Variants in BMP7 observed in about 807,000 individuals in gnomAD.
The protein encoded by BMP7 is bone morphogenetic protein 7.
A neutral mutation model predicts 41.2 loss-of-function variants in BMP7; 12 were observed. That is an observed-to-expected ratio of 0.29 (90% CI 0.19 to 0.47). The LOEUF is 0.47. BMP7 is among the 20% of genes least tolerant of loss of function. BMP7 has a pLI of 0.99. For synonymous variants in BMP7, 248 were observed against 250.0 expected, an observed-to-expected ratio of 0.99 and a Z score of 0.07; for missense variants, 467 against 606.0, an observed-to-expected ratio of 0.77 and a Z score of 2.41.
In BMP7 at chr20:57,219,321, GAAGA is replaced by G. The variant is rs1337253459; in HGVS notation, c.611+8904_611+8907del. ...AGCAAGGTAAGTGGGAAGGTGGGAA[GAAGA>G]CAGGGTGGGCGAGGGACTTCCCACT... On this transcript the variant is annotated intron_variant, in intron 2 of 6. Coordinates refer to ENST00000395863, the MANE Select transcript of BMP7 (RefSeq NM_001719.3). Among the ~76,000 whole-genome samples the G allele has an allele frequency of 7.2e-5, 11 of 151,854 alleles. 1 individual carries two copies. The highest frequency in any genetic ancestry group is 2.4e-4 in the African/African-American group (10 of 41,158).
At chr20:57,212,697 G>C (rs1984922277) in intron 2 of BMP7, among the ~76,000 whole-genome samples, 1 of 152,216 alleles carries the variant, frequency 6.6e-6, no homozygotes, top group Admixed American at 6.5e-5. Flanking sequence ...GGTGAGTCAG[G>C]CCGGGAAACT....
At chr20:57,211,475 C>A (rs778112829) in intron 2 of BMP7, among the ~76,000 whole-genome samples, 1 of 146,808 alleles carries the variant, frequency 6.8e-6, no homozygotes. Context: ...AATAACACCC[C>A]CTCAGACACA....
intron 1 of BMP7, among the ~76,000 whole-genome samples, chr20:57,256,229 C>T (rs1180663317): frequency 1.3e-5 from 2 of 152,178 alleles, no homozygotes; most frequent in Non-Finnish European, 2.9e-5. Context: ...ATGCAAATTC[C>T]AACTGACAAT....
chr20:57,172,637 C>CA (rs11086599), intron 6 of BMP7, among the ~76,000 whole-genome samples: 78,482 of 152,058 alleles, frequency 0.52, 20,560 homozygotes, highest in South Asian at 0.65. Flanking sequence ...CAGCTCTTAT[C>CA]ACTATGGTTG....
At chr20:57,248,755 T>C (rs2066099815) in intron 1 of BMP7, among the ~76,000 whole-genome samples, 1 of 152,120 alleles carries the variant, frequency 6.6e-6, no homozygotes, top group African/African-American at 2.4e-5. Context: ...GCAGGTGTTC[T>C]GTGAACTGCA....
chr20:57,217,684 G>A (rs1273620168), intron 2 of BMP7, among the ~76,000 whole-genome samples: 1 of 152,230 alleles, frequency 6.6e-6, no homozygotes, highest in Non-Finnish European at 1.5e-5. Context: ...GAAACACATA[G>A]GCAGGAGGAG....
chr20:57,250,720 T>G (rs1475235237), intron 1 of BMP7, among the ~76,000 whole-genome samples: 2 of 152,294 alleles, frequency 1.3e-5, no homozygotes, highest in East Asian at 3.9e-4. Context: ...CACAGTCAAC[T>G]GTCTAAACCC....
intron 3 of BMP7, among the ~76,000 whole-genome samples, chr20:57,192,753 T>C (rs1984400826): frequency 6.6e-6 from 1 of 150,678 alleles, no homozygotes; most frequent in African/African-American, 2.4e-5. Context: ...ATAGCAGATT[T>C]TGAAAAAAAA....
chr20:57,254,017 C>CTTA, intron 1 of BMP7, among the ~76,000 whole-genome samples: 1 of 71,538 alleles, frequency 1.4e-5, no homozygotes, highest in South Asian at 5.5e-4. Context: ...GGTTTCTTTC[C>CTTA]TTTTTTTTTT....
At chr20:57,182,003 C>T (rs913351560) in intron 4 of BMP7, among the ~76,000 whole-genome samples, 3 of 152,212 alleles carry the variant, frequency 2.0e-5, no homozygotes, top group Non-Finnish European at 4.4e-5. Context: ...CAAATGGCTT[C>T]CTGAAGAGCC....
chr20:57,208,935 G>A (rs1044915449), intron 2 of BMP7, among the ~76,000 whole-genome samples: 2 of 152,122 alleles, frequency 1.3e-5, no homozygotes, highest in African/African-American at 4.8e-5. Flanking sequence ...TGTAATCCCA[G>A]CACTTTGGGA....
intron 1 of BMP7, among the ~76,000 whole-genome samples, chr20:57,246,631 T>C (rs1198172201): frequency 1.3e-5 from 2 of 152,154 alleles, no homozygotes; most frequent in Non-Finnish European, 2.9e-5. Context: ...CTCTGTAAAA[T>C]AGGGGTGATA....
intron 2 of BMP7, among the ~76,000 whole-genome samples, chr20:57,222,347 C>A (rs1378167596): frequency 6.6e-6 from 1 of 152,184 alleles, no homozygotes; most frequent in Admixed American, 6.5e-5. Flanking sequence ...GGACAGGAAG[C>A]CAACGGGCAT....
chr20:57,250,712 C>T (rs1020870741), intron 1 of BMP7, among the ~76,000 whole-genome samples: 2 of 152,168 alleles, frequency 1.3e-5, no homozygotes, highest in African/African-American at 4.8e-5. Flanking sequence ...GGCCAGCCCA[C>T]AGTCAACTGT....
intron 1 of BMP7, among the ~76,000 whole-genome samples, chr20:57,239,936 G>A (rs186577045): frequency 1.1e-3 from 162 of 152,238 alleles, no homozygotes; most frequent in Admixed American, 1.7e-3. Context: ...TTTTCCTCCT[G>A]GGCCTCCAGG....
rs946855752 is a variant in BMP7 at position 57,214,609 on chromosome 20, C to T, written c.612-11986G>A. On this transcript the variant is annotated intron_variant, in intron 2 of 6. Transcript: ENST00000395863. The surrounding 1 kb of genome is among the most constrained non-coding windows in gnomAD (Gnocchi z 4.0). ...CCCTCACACATGCTGTTTCCGCTGC[C>T]TGCAACACTGTTCCCTGCCTTTTCA... Among the ~76,000 whole-genome samples the T allele has an allele frequency of 5.3e-5, 8 of 152,088 alleles. No individual in the cohort carries two copies. The highest frequency in any genetic ancestry group is 1.9e-4 in the African/African-American group (8 of 41,410).
At chr20:57,210,012 G>A (rs1421919023) in intron 2 of BMP7, among the ~76,000 whole-genome samples, 2 of 152,172 alleles carry the variant, frequency 1.3e-5, no homozygotes, top group Non-Finnish European at 2.9e-5. Context: ...GAGAAAGGCA[G>A]CAGAGCCAGG....
At chr20:57,193,286 C>A (rs1359383710) in intron 3 of BMP7, among the ~76,000 whole-genome samples, 1 of 152,168 alleles carries the variant, frequency 6.6e-6, no homozygotes, top group African/African-American at 2.4e-5. Flanking sequence ...GGTGATGCTG[C>A]TCCCCAAGAG....
rs543661045 is a variant in BMP7 at position 57,264,563 on chromosome 20, C to T, written c.418+1142G>A. Among the ~76,000 whole-genome samples the T allele has an allele frequency of 6.2e-3, 940 of 152,314 alleles. 15 individuals carry two copies. Among genetic ancestry groups the T allele is most frequent in the South Asian group, 0.048 (230 of 4,828 alleles). On this transcript the variant is annotated intron_variant, in intron 1 of 6. Coordinates refer to ENST00000395863, the MANE Select transcript of BMP7 (RefSeq NM_001719.3). ...CCTCGCTGCAGCCCCAGGCTCGCGT[C>T]GCCGGGGTCGTCGCGGCTCCAGTCG... is the stretch of plus-strand genomic sequence containing the variant.
Sources: gnomAD v4.1 joint callset for allele counts (sites outside exome capture counted in the v4.1 genomes callset) on GRCh38, gnomAD v4.1.1 for gene constraint, Gnocchi (gnomAD v3.1) non-coding constraint, MANE v1.5 for transcripts, NCBI Gene and HGNC (gene_info 2026-07-23, HGNC 2026-07-21) for gene names.